Variants in GRIK1 observed in about 807,000 individuals in gnomAD.
The protein encoded by GRIK1 is glutamate receptor ionotropic, kainate 1.
Under a neutral mutation model 105.7 loss-of-function variants are expected in GRIK1, and 69 were observed. The ratio of observed to expected loss-of-function variants is 0.65; its 90% CI spans 0.54 to 0.80. The LOEUF is 0.80. GRIK1 is among the 30% of genes least tolerant of loss of function. The pLI, the probability that GRIK1 is intolerant of heterozygous loss-of-function variation, is 0.00. For missense variants in GRIK1, 1,109 were observed against 1,167.3 expected (o/e 0.95, Z 0.73); for synonymous variants, 438 against 431.3 (o/e 1.02, Z -0.19).
chr21:29,693,875 T>G, intron 2 of GRIK1, 21 bp downstream of exon 2: 1 of 1,591,802 alleles, frequency 6.3e-7, no homozygotes, highest in Non-Finnish European at 8.6e-7. Context: ...AAGAAGCTTT[T>G]AAAAGTGGGA....
intron 1 of GRIK1, among the ~76,000 whole-genome samples, chr21:29,757,829 C>T (rs997153426): frequency 6.6e-6 from 1 of 152,188 alleles, no homozygotes; most frequent in Non-Finnish European, 1.5e-5. Context: ...CAATACTACC[C>T]CTTCCTCAGT....
At chr21:29,581,075 C>T (rs1470561596) in intron 13 of GRIK1, among the ~76,000 whole-genome samples, 1 of 152,138 alleles carries the variant, frequency 6.6e-6, no homozygotes, top group Non-Finnish European at 1.5e-5. Context: ...TTAGATCCCG[C>T]TCCTTTAAAC....
In GRIK1 at chr21:29,877,345, A is replaced by G. The variant is rs189890322; in HGVS notation, c.118+62038T>C. On this transcript the variant is annotated intron_variant, in intron 1 of 17. Coordinates refer to ENST00000327783, the MANE Select transcript of GRIK1 (RefSeq NM_001330994.2). ...CAGAGTGGCCTTTGGAGGATTAATG[A>G]GGAAATGTTTCAAAGTATTTTCTCA... Among the ~76,000 whole-genome samples, 70 of 152,264 alleles carry G rather than the reference A, an allele frequency of 4.6e-4. No homozygotes were observed. The East Asian group carries it at 0.013, about 29-fold the overall frequency.
intron 16 of GRIK1, among the ~76,000 whole-genome samples, chr21:29,551,587 C>T (rs1246383967): frequency 2.6e-5 from 4 of 152,072 alleles, no homozygotes; most frequent in Non-Finnish European, 5.9e-5. Flanking sequence ...TAAAATAATA[C>T]ATAAATGTCA....
intron 1 of GRIK1, among the ~76,000 whole-genome samples, chr21:29,711,427 G>A (rs547793371): frequency 3.2e-4 from 49 of 152,048 alleles, no homozygotes; most frequent in Non-Finnish European, 6.8e-4. Context: ...GCCTAAGAAT[G>A]CATTTTTCCA....
intron 4 of GRIK1, among the ~76,000 whole-genome samples, chr21:29,671,869 C>T (rs1221829131): frequency 2.6e-5 from 4 of 152,008 alleles, no homozygotes; most frequent in East Asian, 1.9e-4. Context: ...CTATTTTAAA[C>T]GTCTCACTAG....
intron 1 of GRIK1, among the ~76,000 whole-genome samples, chr21:29,736,902 C>T (rs758819149): frequency 6.6e-6 from 1 of 152,102 alleles, no homozygotes; most frequent in Non-Finnish European, 1.5e-5. Context: ...TGGTCTCAAA[C>T]TCCTGACCTC....
intron 1 of GRIK1, among the ~76,000 whole-genome samples, chr21:29,908,380 A>C (rs546094273): frequency 4.0e-5 from 6 of 151,700 alleles, no homozygotes; most frequent in African/African-American, 1.5e-4. Context: ...TTTCTATCTC[A>C]TCCTGTGTCA....
chr21:29,899,729 T>G (rs956928312), intron 1 of GRIK1, among the ~76,000 whole-genome samples: 4 of 152,100 alleles, frequency 2.6e-5, no homozygotes, highest in Non-Finnish European at 1.5e-5. Flanking sequence ...CTTGGTGGCA[T>G]GTACTCTATG....
rs546169043 is a variant in GRIK1, at chr21:29,836,516, C to T, written c.118+102867G>A. Among the ~76,000 whole-genome samples the T allele has an allele frequency of 7.9e-5, 12 of 152,206 alleles. No individual in the cohort carries two copies. The East Asian group carries it at 2.3e-3, about 29-fold the overall frequency. On this transcript the variant is annotated intron_variant, in intron 1 of 17. Transcript: ENST00000327783. ...TAGGATAATTATAGTAAAACATATA[C>T]TAAATAAATTTTCTGCTAGGCAGAT...
At chr21:29,582,208 G>C (rs2091037405) in intron 12 of GRIK1, 1 of 375,982 alleles carries the variant, frequency 2.7e-6, no homozygotes, top group South Asian at 2.2e-5. Context: ...GAATTATACT[G>C]GTCCAGGCCT....
In GRIK1 at chr21:29,596,513, T is replaced by A. The variant is rs3026024; in HGVS notation, c.1251+13A>T. 2.4e-3 allele frequency: 3,873 copies of A among 1,586,726 alleles called. 66 individuals are homozygous for A. The African/African-American group carries it at 0.042, about 17-fold the overall frequency. On this transcript the variant is annotated intron_variant, in intron 9 of 17. Coordinates refer to ENST00000327783, the MANE Select transcript of GRIK1 (RefSeq NM_001330994.2). ...ACCCCCAGGTTTCCTGCAGTTGTTG[T>A]CAGAGTACAAACCTTCTTCCACACT...
In GRIK1 at chr21:29,802,942, A is replaced by G. The variant is rs142121551; in HGVS notation, c.119-108879T>C. On this transcript the variant is annotated intron_variant, in intron 1 of 17. Coordinates refer to ENST00000327783, the MANE Select transcript of GRIK1 (RefSeq NM_001330994.2). Reference sequence around the variant, plus strand: ...CTGGATGCATGGCTGAAATGTGCTGACAGTCATAGTGTCCAGCACAGTCCT... The same window carrying G: ...CTGGATGCATGGCTGAAATGTGCTGGCAGTCATAGTGTCCAGCACAGTCCT... Among the ~76,000 whole-genome samples the G allele has an allele frequency of 4.3e-3, 655 of 152,260 alleles. 3 individuals carry two copies. The highest frequency in any genetic ancestry group is 7.9e-3 in the South Asian group (38 of 4,820).
chr21:29,660,325 T>C (rs1257862123), intron 4 of GRIK1, among the ~76,000 whole-genome samples: 1 of 152,186 alleles, frequency 6.6e-6, no homozygotes, highest in Non-Finnish European at 1.5e-5. Flanking sequence ...TAGGTAAAGA[T>C]GACCAGGACG....
chr21:29,848,777 A>T (rs866263067), intron 1 of GRIK1, among the ~76,000 whole-genome samples: 6,757 of 70,482 alleles, frequency 0.096, 235 homozygotes, highest in African/African-American at 0.14. Context: ...ATATATATAT[A>T]TATTTTTTTT....
Position 29,561,810 on chromosome 21 carries a change from T to C in GRIK1, c.2170A>G (p.Met724Val). 1.2e-6 allele frequency: 2 copies of C among 1,613,930 alleles called. No individual in the cohort carries two copies. The highest frequency in any genetic ancestry group is 2.2e-5 in the South Asian group (2 of 91,064). Residue 724 changes from methionine (M) to valine (V), a missense_variant, in exon 15 of 18, where the codon ATG becomes GTG. Coordinates refer to ENST00000327783, the MANE Select transcript of GRIK1 (RefSeq NM_001330994.2). Reference sequence around the variant, plus strand: ...AGGGCGGTCTGCTGCCTGCTGCTCATGAAAGCCCACATCTTCTCATAGGTG... The same window carrying C: ...AGGGCGGTCTGCTGCCTGCTGCTCACGAAAGCCCACATCTTCTCATAGGTG... ...ISTYEKMWAF[M>V]SSRQQTALVR... is the part of the protein sequence containing the mutation.
At chr21:29,853,009 A>C (rs1263139402) in intron 1 of GRIK1, among the ~76,000 whole-genome samples, 3 of 152,192 alleles carry the variant, frequency 2.0e-5, no homozygotes. Context: ...ATATCTTCTC[A>C]CTCTTAAAGT....
At chr21:29,782,308 G>C (rs538373018) in intron 1 of GRIK1, among the ~76,000 whole-genome samples, 44 of 152,092 alleles carry the variant, frequency 2.9e-4, no homozygotes, top group South Asian at 8.3e-4. Context: ...GGATGGTCTC[G>C]ATCTCCTGAC....
intron 1 of GRIK1, among the ~76,000 whole-genome samples, chr21:29,711,659 TA>T (rs529611886): frequency 6.6e-6 from 1 of 152,116 alleles, no homozygotes. Flanking sequence ...ATTTACACTT[TA>T]AAAAAATTTG....
Sources: gnomAD v4.1 joint callset for allele counts (sites outside exome capture counted in the v4.1 genomes callset) on GRCh38, gnomAD v4.1.1 for gene constraint, MANE v1.5 for transcripts, NCBI Gene and HGNC (gene_info 2026-07-23, HGNC 2026-07-21) for gene names.